MST1: variants seen among roughly 807,000 people sequenced by gnomAD.
MST1 encodes the protein macrophage stimulating 1, also known as hepatocyte growth factor-like protein.
Under a neutral mutation model 100.1 loss-of-function variants are expected in MST1, and 76 were observed. The observed-to-expected ratio is 0.76, with a 90% CI of 0.63 to 0.92. The LOEUF (loss-of-function observed/expected upper bound fraction) is 0.92, where lower values mean the gene tolerates loss of function less well. MST1 is among the 40% of genes least tolerant of loss of function. The probability of loss-of-function intolerance (pLI) is 0.00; values close to 1 mark genes in which losing one functional copy is unlikely to be tolerated. For missense variants in MST1, 850 were observed against 990.0 expected (o/e 0.86, Z 1.90); for synonymous variants, 352 against 385.4 (o/e 0.91, Z 1.01).
Position 49,687,470 on chromosome 3 carries a change from G to A in MST1, c.364C>T (p.Arg122Trp), listed in dbSNP as rs1159873166. The A allele has an allele frequency of 8.1e-6, 13 of 1,613,354 alleles. No individual in the cohort carries two copies. The highest frequency in any genetic ancestry group is 5.0e-5 in the Admixed American group (3 of 60,000). ...ACCCCATTGTTCATGATGCAGGTCC[G>A]TACGTAGTCTGGGAGCAAGAGACAG... ...CDLFQKKDYV[R>W]TCIMNNGVGY... The change falls in exon 4 of 18, where the codon CGG (arginine) becomes TGG (tryptophan). Residue 122 changes from arginine (R) to tryptophan (W), a missense_variant. Coordinates refer to ENST00000449682, the MANE Select transcript of MST1 (RefSeq NM_020998.4).
In MST1 at chr3:49,686,182, C is replaced by T. The variant is rs773736396; in HGVS notation, c.1027G>A (p.Glu343Lys). 4 of 1,611,596 alleles carry T rather than the reference C, an allele frequency of 2.5e-6. No individual in the cohort carries two copies. Among genetic ancestry groups the T allele is most frequent in the South Asian group, 1.1e-5 (1 of 90,956 alleles). Residue 343 changes from glutamate (E) to lysine (K), a missense_variant, in exon 9 of 18, where the codon GAG (glutamate) becomes AAG (lysine). Transcript: ENST00000449682. Reference protein sequence around the residue: ...PEKYACKDLRENFCRNPDGSE... With the variant: ...PEKYACKDLRKNFCRNPDGSE... Reference sequence around the variant, plus strand: ...CCGTCGGGGTTCCGGCAGAAGTTCTCCCGAAGGTCTCTAAGCAGGCGCTCC... The same window carrying T: ...CCGTCGGGGTTCCGGCAGAAGTTCTTCCGAAGGTCTCTAAGCAGGCGCTCC...
In MST1 at chr3:49,686,423, A is replaced by T; in HGVS notation, c.906T>A (p.Gly302=). The T allele has an allele frequency of 1.2e-6, 2 of 1,611,210 alleles. No homozygotes were observed. The highest frequency in any genetic ancestry group is 8.5e-7 in the Non-Finnish European group (1 of 1,179,674). ...TATTGGCTGTGCCCCGGTAGCCCTCACCCTTCCCGCGGAAGCAGCTGACAG... is the reference window on the plus strand; with the variant it reads ...TATTGGCTGTGCCCCGGTAGCCCTCTCCCTTCCCGCGGAAGCAGCTGACAG... ...ATTVSCFRGK[G]EGYRGTANTT... is the part of the protein sequence containing the mutation. Residue 302 remains glycine, a synonymous_variant, in exon 8 of 18, where the codon GGT becomes GGA. Transcript: ENST00000449682.
rs2053882373 is a variant in MST1, at chr3:49,687,551, C to T, written c.355+5G>A. 6.2e-7 allele frequency: 1 copy of T among 1,613,400 alleles called. No homozygotes were observed. Among genetic ancestry groups the T allele is most frequent in the Non-Finnish European group, 8.5e-7 (1 of 1,179,888 alleles). On this transcript the variant is annotated splice_donor_5th_base_variant and intron_variant, in intron 3 of 17. Transcript: ENST00000449682. Reference sequence around the variant, plus strand: ...CCCACCCTGCCCCTCTCCACCCCCACTTGCCTTTCTTCTGGAAGAGGTCAC... The same window carrying T: ...CCCACCCTGCCCCTCTCCACCCCCATTTGCCTTTCTTCTGGAAGAGGTCAC...
Position 49,684,152 on chromosome 3 carries a change from T to C in MST1, c.2054A>G (p.Asn685Ser), listed in dbSNP as rs1205703598. 1.2e-6 allele frequency: 2 copies of C among 1,613,306 alleles called. No homozygotes were observed. The highest frequency in any genetic ancestry group is 1.7e-6 in the Non-Finnish European group (2 of 1,179,810). The change falls in exon 18 of 18, where the codon AAC becomes AGC. Residue 685 changes from asparagine (N) to serine (S), a missense_variant. Physicochemically the swap from Asn to Ser is conservative, Grantham distance 46. This residue lies in a region of MST1 where 816 missense variants were observed against 924.6 expected (regional missense o/e 0.88). Transcript: ENST00000449682. ...YGGPLACFTH[N>S]CWVLEGIIIP... ...TATAATTCCTTCCAGGACCCAGCAG[T>C]TGTGGGTAAAGCAGGCAAGTGGGCC...
At chr3:49,686,824 G>C (rs1414183889) in intron 6 of MST1, 22 bp from the exon 7 acceptor site, 1 of 1,612,500 alleles carries the variant, frequency 6.2e-7, no homozygotes, top group Non-Finnish European at 8.5e-7. Flanking sequence ...AATGGGGCGT[G>C]AACAAGACCC....
At chr3:49,684,508 G>A in intron 16 of MST1, 42 bp downstream of exon 16, 1 of 1,613,566 alleles carries the variant, frequency 6.2e-7, no homozygotes, top group Non-Finnish European at 8.5e-7. Flanking sequence ...ATCCAGGGCT[G>A]GGCCTCCTGG....
At chr3:49,685,428 C>G (rs766638554) in intron 12 of MST1, 43 bp downstream of exon 12, 40 of 1,613,442 alleles carry the variant, frequency 2.5e-5, no homozygotes, top group Non-Finnish European at 3.2e-5. Flanking sequence ...GTGTGGATGT[C>G]GTGGGCTAAA....
chr3:49,684,439 T>C lies in MST1; in HGVS notation c.1891A>G (p.Thr631Ala). ...TTCAGCAAGGCCACATTTAGGACTG[T>C]GTCATTACCCGTACCTGCAGTGAGG... ...WGETKGTGNDTVLNVALLNVI... is the reference protein window; with the variant it reads ...WGETKGTGNDAVLNVALLNVI... Residue 631 changes from threonine to alanine, a missense_variant, in exon 17 of 18, where the codon ACA (threonine) becomes GCA (alanine). This residue lies in a region of MST1 where 816 missense variants were observed against 924.6 expected (regional missense o/e 0.88). Transcript: ENST00000449682. 1 of 1,613,416 alleles carries C rather than the reference T, an allele frequency of 6.2e-7. No individual in the cohort carries two copies. The highest frequency in any genetic ancestry group is 8.5e-7 in the Non-Finnish European group (1 of 1,179,842).
rs2053797017 is a variant in MST1 at position 49,686,798 on chromosome 3, G to C, written c.733C>G (p.Leu245Val). 6.2e-7 allele frequency: 1 copy of C among 1,612,466 alleles called. No homozygotes were observed. The change falls in exon 7 of 18, where the codon CTC (leucine) becomes GTC (valine). Residue 245 changes from leucine (L) to valine (V), a missense_variant. This residue lies in a region of MST1 where 816 missense variants were observed against 924.6 expected (regional missense o/e 0.88). Coordinates refer to ENST00000449682, the MANE Select transcript of MST1 (RefSeq NM_020998.4). The part of the protein sequence containing the change: ...HQHPFEPGKF[L>V]DQGLDDNYCR... The stretch of plus-strand genomic sequence containing the variant: ...TAGTTGTCGTCCAGACCTTGGTCGA[G>C]GAACCTGGGGGCGGTAATGGGGCGT...
rs145408661 is a variant in MST1, at chr3:49,688,426, G to A, written c.94+172C>T. On this transcript the variant is annotated intron_variant, in intron 1 of 17. Transcript: ENST00000449682. ...AGCAGACGTGCTAATAGAGGCCTAA[G>A]TGGGCAATGTCTATGTGTTCCTAGG... is the stretch of plus-strand genomic sequence containing the variant. 5.8e-3 allele frequency: 3,543 copies of A among 609,920 alleles called. 107 individuals are homozygous for A. In the African/African-American group the frequency reaches 0.06, roughly 10 times the overall value. 37.8% of individuals were successfully genotyped at this position (609,920 alleles called of 1,614,324 possible). A position where few individuals can be genotyped will look rare whatever the true frequency, so the allele number is the denominator to read the frequency against.
intron 1 of MST1, chr3:49,688,116 G>C: frequency 2.9e-6 from 2 of 692,572 alleles, no homozygotes; most frequent in Non-Finnish European, 4.8e-6. Context: ...TATCACCGGT[G>C]CCTCTGTTTA....
At chr3:49,688,113 G>T in intron 1 of MST1, 2 of 699,714 alleles carry the variant, frequency 2.9e-6, no homozygotes, top group East Asian at 5.6e-5. Context: ...AGTTATCACC[G>T]GTGCCTCTGT....
chr3:49,686,141 C>G lies in MST1; in HGVS notation c.1068G>C (p.Trp356Cys). 3 of 1,611,456 alleles carry G rather than the reference C, an allele frequency of 1.9e-6. No homozygotes were observed. Among genetic ancestry groups the G allele is most frequent in the Non-Finnish European group, 2.5e-6 (3 of 1,179,588 alleles). Residue 356 changes from tryptophan (W) to cysteine (C), a missense_variant, in exon 9 of 18, where the codon TGG (tryptophan) becomes TGC (cysteine). Physicochemically the swap from Trp to Cys is radical, Grantham distance 215. Coordinates refer to ENST00000449682, the MANE Select transcript of MST1 (RefSeq NM_020998.4). ...CRNPDGSEAPWCFTLRPGMRA... is the reference protein window; with the variant it reads ...CRNPDGSEAPCCFTLRPGMRA... ...GCATGCCGGGCCGCAGTGTGAAGCA[C>G]CAGGGCGCCTCTGAGCCGTCGGGGT...
At position 49,687,481 on chromosome 3, in the gene MST1, G is replaced by A. The variant is rs1026581208; in HGVS notation, c.356-3C>T. On this transcript the variant is annotated splice_region_variant and splice_polypyrimidine_tract_variant and intron_variant, in intron 3 of 17. Coordinates refer to ENST00000449682, the MANE Select transcript of MST1 (RefSeq NM_020998.4). ...CATGATGCAGGTCCGTACGTAGTCT[G>A]GGAGCAAGAGACAGAAGATCAACTT... 4 of 1,613,382 alleles carry A rather than the reference G, an allele frequency of 2.5e-6. No individual in the cohort carries two copies. The African/African-American group carries it at 5.3e-5, about 22-fold the overall frequency.
chr3:49,686,363 G>C lies in MST1; in HGVS notation c.966C>G (p.Asp322Glu). 6.2e-7 allele frequency: 1 copy of C among 1,605,420 alleles called. No individual in the cohort carries two copies. Among genetic ancestry groups the C allele is most frequent in the Non-Finnish European group, 8.5e-7 (1 of 1,179,072 alleles). Residue 322 changes from aspartate to glutamate, a missense_variant, in exon 8 of 18, where the codon GAC becomes GAG. Asp to Glu is a conservative substitution (Grantham distance 45). Around this residue, in one of 2 missense-constraint regions of MST1, gnomAD observed 816 missense variants for 924.6 expected, o/e 0.88. Transcript: ENST00000449682. Reference protein sequence around the residue: ...TTAGVPCQRWDAQIPHQHRFT... With the variant: ...TTAGVPCQRWEAQIPHQHRFT... ...ATCGGTGCTGATGCGGGATTTGCGC[G>C]TCCCAACGCTGGCAAGGTACGCCCG...
rs972352535 is a variant in MST1, at chr3:49,687,137, G to A, written c.607+12C>T. 29 of 1,612,902 alleles carry A rather than the reference G, an allele frequency of 1.8e-5. No homozygotes were observed. Among genetic ancestry groups the A allele is most frequent in the African/African-American group, 4.0e-5 (3 of 74,946 alleles). The stretch of plus-strand genomic sequence containing the variant: ...TCCCTCCACTCTCCCAGCTTGACCC[G>A]GCGCCGCTTACCCTCCCGGCAGGAT... On this transcript the variant is annotated intron_variant, in intron 5 of 17. Coordinates refer to ENST00000449682, the MANE Select transcript of MST1 (RefSeq NM_020998.4).
At chr3:49,688,428 G>T in intron 1 of MST1, 170 bp downstream of exon 1, 2 of 612,170 alleles carry the variant, frequency 3.3e-6, no homozygotes, top group Non-Finnish European at 5.9e-6. Flanking sequence ...AGGCCTAAGT[G>T]GGCAATGTCT....
At chr3:49,686,616 C>A in intron 7 of MST1, 68 bp downstream of exon 7, 1 of 1,533,100 alleles carries the variant, frequency 6.5e-7, no homozygotes, top group Admixed American at 2.0e-5. Flanking sequence ...CCTCTTACCT[C>A]CCCGGCCAAG....
rs764385376 is a variant in MST1, at chr3:49,685,614, A to G, written c.1369T>C (p.Cys457Arg). Residue 457 changes from cysteine to arginine, a missense_variant, in exon 11 of 18, where the codon TGT becomes CGT. Transcript: ENST00000449682. Reference protein sequence around the residue: ...TMDPRTPFDYCALRRCADDQP... With the variant: ...TMDPRTPFDYRALRRCADDQP... ...TGCTCACCGCAGCGTCGCAGGGCACAGTAGTCGAATGGGGTCCTTGGGTCC... is the reference window on the plus strand; with the variant it reads ...TGCTCACCGCAGCGTCGCAGGGCACGGTAGTCGAATGGGGTCCTTGGGTCC... 15 of 1,613,286 alleles carry G rather than the reference A, an allele frequency of 9.3e-6. No homozygotes were observed. Among genetic ancestry groups the G allele is most frequent in the Middle Eastern group, 1.6e-4 (1 of 6,078 alleles).
Sources: gnomAD v4.1 joint callset for allele counts on GRCh38, gnomAD v4.1.1 for gene constraint, gnomAD v4.1.1 regional missense constraint, MANE v1.5 for transcripts, NCBI Gene and HGNC (gene_info 2026-07-23, HGNC 2026-07-21) for gene names.